SLC66A2: variants seen among roughly 807,000 people sequenced by gnomAD.
The protein encoded by SLC66A2 is solute carrier family 66 member 2, also known as PQ loop repeat containing 1.
SLC66A2 carries 23 observed loss-of-function variants against 25.5 expected under a neutral mutation model. That is an observed-to-expected ratio of 0.90 (90% CI 0.65 to 1.28). The LOEUF is 1.28. Ranked by LOEUF, SLC66A2 falls within the 50% of genes most tolerant of loss-of-function variation. The pLI, the probability that SLC66A2 is intolerant of heterozygous loss-of-function variation, is 0.00. For missense variants in SLC66A2, 396 were observed against 373.1 expected (o/e 1.06, Z -0.51); for synonymous variants, 193 against 166.5 (o/e 1.16, Z -1.23).
intron 4 of SLC66A2, among the ~76,000 whole-genome samples, chr18:79,925,397 A>G (rs536521762): frequency 9.1e-4 from 139 of 152,318 alleles, no homozygotes; most frequent in Non-Finnish European, 1.6e-3. Context: ...GCAGACTCAC[A>G]CGCCGTGACT....
rs569444429 is a variant in SLC66A2 at position 79,923,805 on chromosome 18, T to C, written c.392-4405A>G. On this transcript the variant is annotated intron_variant, in intron 4 of 5. Coordinates refer to ENST00000397778, the MANE Select transcript of SLC66A2 (RefSeq NM_025078.5). ...GCTCACACCTGTCATCCCAGCACCT[T>C]GGGAGGTTGAGGTGGGAGAATCACT... Among the ~76,000 whole-genome samples the C allele has an allele frequency of 7.2e-5, 11 of 152,168 alleles. No individual in the cohort carries two copies. The East Asian group carries it at 2.1e-3, about 29-fold the overall frequency.
rs953987979 is a variant in SLC66A2, at chr18:79,931,301, C to T, written c.391+2668G>A. ...GAATGGATTTTTTTTAAAGATCCAT[C>T]GTATGTATACAGAAGACTCATTTTA... is the stretch of plus-strand genomic sequence containing the variant. On this transcript the variant is annotated intron_variant, in intron 4 of 5. Coordinates refer to ENST00000397778, the MANE Select transcript of SLC66A2 (RefSeq NM_025078.5). Among the ~76,000 whole-genome samples the T allele has an allele frequency of 3.3e-5, 5 of 151,712 alleles. No individual in the cohort carries two copies. In the East Asian group the frequency reaches 5.8e-4, roughly 18 times the overall value.
chr18:79,919,308 A>G lies in SLC66A2; in HGVS notation c.484T>C (p.Tyr162His), dbSNP rs1475426574. ...AFTGVAGYIT[Y>H]LSIDSALFVE... ...AACAGGGCGGAGTCAATGGACAGGT[A>G]GGTGATGTAGCCCGCCACGCCCGTG... Residue 162 changes from tyrosine to histidine, a missense_variant, in exon 5 of 6, where the codon TAC (tyrosine) becomes CAC (histidine). Tyr to His is a moderately conservative substitution (Grantham distance 83, BLOSUM62 2). Transcript: ENST00000397778. 1.9e-6 allele frequency: 3 copies of G among 1,613,278 alleles called. No homozygotes were observed. The highest frequency in any genetic ancestry group is 1.3e-5 in the African/African-American group (1 of 75,072).
intron 5 of SLC66A2, among the ~76,000 whole-genome samples, chr18:79,906,448 T>C (rs1982139642): frequency 6.6e-6 from 1 of 152,240 alleles, no homozygotes; most frequent in Admixed American, 6.5e-5. Context: ...GTTCAAAATA[T>C]TTTCAATAGT....
intron 5 of SLC66A2, among the ~76,000 whole-genome samples, chr18:79,909,916 T>C (rs1226996267): frequency 1.9e-5 from 1 of 51,584 alleles, no homozygotes; most frequent in Non-Finnish European, 3.6e-5. Flanking sequence ...GTCCCCAACC[T>C]TCCCCACCAT....
Position 79,918,925 on chromosome 18 carries a change from G to A in SLC66A2, c.608+259C>T, listed in dbSNP as rs755960467. Among the ~76,000 whole-genome samples, 5 of 152,346 alleles carry A rather than the reference G, an allele frequency of 3.3e-5. No individual in the cohort carries two copies. Among genetic ancestry groups the A allele is most frequent in the Non-Finnish European group, 5.9e-5 (4 of 68,028 alleles). ...GACATCCCTCCCACTGGAAGGTTCCGTCTCAACGGCCCTGAAGGAGCAGCT... is the reference window on the plus strand; with the variant it reads ...GACATCCCTCCCACTGGAAGGTTCCATCTCAACGGCCCTGAAGGAGCAGCT... On this transcript the variant is annotated intron_variant, in intron 5 of 5. Coordinates refer to ENST00000397778, the MANE Select transcript of SLC66A2 (RefSeq NM_025078.5). The surrounding 1 kb of genome is among the most constrained non-coding windows in gnomAD (Gnocchi z 4.0).
At chr18:79,921,695 G>A (rs62101194) in intron 4 of SLC66A2, among the ~76,000 whole-genome samples, 35 of 7,820 alleles carry the variant, frequency 4.5e-3, no homozygotes, top group South Asian at 0.025. Context: ...AGATGGAACC[G>A]AGTGAGAGGT....
In SLC66A2 at chr18:79,930,904, A is replaced by G. The variant is rs530644942; in HGVS notation, c.391+3065T>C. The stretch of plus-strand genomic sequence containing the variant: ...TATATTGTTAGGTTGTAATATATGT[A>G]GACAAAATATGTATAATAATCATAC... On this transcript the variant is annotated intron_variant, in intron 4 of 5. Transcript: ENST00000397778. Among the ~76,000 whole-genome samples, 257 of 152,360 alleles carry G rather than the reference A, an allele frequency of 1.7e-3. 1 individual carries two copies. Among genetic ancestry groups the G allele is most frequent in the African/African-American group, 5.9e-3 (244 of 41,592 alleles).
chr18:79,919,288 G>A lies in SLC66A2; in HGVS notation c.504C>T (p.Ala168=). 1 of 1,613,350 alleles carries A rather than the reference G, an allele frequency of 6.2e-7. No individual in the cohort carries two copies. Among genetic ancestry groups the A allele is most frequent in the Non-Finnish European group, 8.5e-7 (1 of 1,180,036 alleles). ...GGAAGCCCAGGGTCTCCACAAACAGGGCGGAGTCAATGGACAGGTAGGTGA... is the reference window on the plus strand; with the variant it reads ...GGAAGCCCAGGGTCTCCACAAACAGAGCGGAGTCAATGGACAGGTAGGTGA... The part of the protein sequence containing the change: ...GYITYLSIDS[A]LFVETLGFLA... Residue 168 remains alanine (A), a synonymous_variant, in exon 5 of 6, where the codon GCC becomes GCT. Transcript: ENST00000397778.
At position 79,927,008 on chromosome 18, in the gene SLC66A2, A is replaced by G. The variant is rs1363735581; in HGVS notation, c.391+6961T>C. ...TGTTTCAGTATTTTTAAAAATACAA[A>G]TCGACTCTCCAGGAAAAAACAAAAA... On this transcript the variant is annotated intron_variant, in intron 4 of 5. Transcript: ENST00000397778. This position sits in a 1 kb window ranked among gnomAD's most constrained non-coding sequence, Gnocchi z 6.2. Among the ~76,000 whole-genome samples, 2 of 152,160 alleles carry G rather than the reference A, an allele frequency of 1.3e-5. No individual in the cohort carries two copies. Among genetic ancestry groups the G allele is most frequent in the Non-Finnish European group, 2.9e-5 (2 of 68,018 alleles).
chr18:79,943,778 G>A (rs994254453), intron 2 of SLC66A2: 1 of 257,228 alleles, frequency 3.9e-6, no homozygotes, highest in African/African-American at 2.4e-5. Context: ...TCCCGAACTT[G>A]CAGCAGGAAA....
rs1986063083 is a variant in SLC66A2 at position 79,927,244 on chromosome 18, C to T, written c.391+6725G>A. Among the ~76,000 whole-genome samples the T allele has an allele frequency of 1.3e-5, 2 of 151,944 alleles. No homozygotes were observed. The highest frequency in any genetic ancestry group is 4.8e-5 in the African/African-American group (2 of 41,298). On this transcript the variant is annotated intron_variant, in intron 4 of 5. Coordinates refer to ENST00000397778, the MANE Select transcript of SLC66A2 (RefSeq NM_025078.5). The surrounding 1 kb of genome is among the most constrained non-coding windows in gnomAD (Gnocchi z 6.2). The stretch of plus-strand genomic sequence containing the variant: ...CCCAGACCCGGAGCTGCAGGCAGGG[C>T]TCAGCAGGACCCCAGGCGGGCACAC...
Position 79,943,427 on chromosome 18 carries a change from T to C in SLC66A2, c.239A>G (p.Gln80Arg). 6.2e-7 allele frequency: 1 copy of C among 1,614,160 alleles called. No homozygotes were observed. Among genetic ancestry groups the C allele is most frequent in the African/African-American group, 1.3e-5 (1 of 75,066 alleles). Residue 80 changes from glutamine (Q) to arginine (R), a missense_variant, in exon 3 of 6, where the codon CAG (glutamine) becomes CGG (arginine). Coordinates refer to ENST00000397778, the MANE Select transcript of SLC66A2 (RefSeq NM_025078.5). ...CATGGTCAGGATCATGATGGCGCTCTGCCACAGCAGCGGGGACTCAAAGCG... is the reference window on the plus strand; with the variant it reads ...CATGGTCAGGATCATGATGGCGCTCCGCCACAGCAGCGGGGACTCAAAGCG... ...GRRFESPLLW[Q>R]SAIMILTMLL...
chr18:79,903,753 G>C lies in SLC66A2; in HGVS notation c.*223C>G. On this transcript the variant is annotated 3_prime_UTR_variant, in exon 6 of 6. Transcript: ENST00000397778. ...CATCCTAAAAACATCCAAAACCCTC[G>C]GGGCCAGATCAACCCTGGCTGTCCC... 3.8e-6 allele frequency: 2 copies of C among 527,068 alleles called. No homozygotes were observed. The highest frequency in any genetic ancestry group is 6.6e-6 in the Non-Finnish European group (2 of 303,486). The allele number at this position is 527,068 out of a possible 1,614,324, so 32.6% of individuals were successfully genotyped here. A position where few individuals can be genotyped will look rare whatever the true frequency, so the allele number is the denominator to read the frequency against.
intron 5 of SLC66A2, among the ~76,000 whole-genome samples, chr18:79,908,039 G>A (rs1350320725): frequency 1.3e-5 from 2 of 151,960 alleles, no homozygotes; most frequent in African/African-American, 2.4e-5. Context: ...GACTTGTCAC[G>A]TACAGCTACA....
Position 79,904,155 on chromosome 18 carries a change from C to T in SLC66A2, c.637G>A (p.Gly213Ser). ...AAGTAGGCCGTCTTGAAGGCGTCAC[C>T]ACTGGTCCACATGAGCACCATCTTG... The part of the protein sequence containing the change: ...SIKMVLMWTS[G>S]DAFKTAYFLL... The change falls in exon 6 of 6, where the codon GGT becomes AGT. Residue 213 changes from glycine (G) to serine (S), a missense_variant. Gly to Ser is a moderately conservative substitution (Grantham distance 56). Coordinates refer to ENST00000397778, the MANE Select transcript of SLC66A2 (RefSeq NM_025078.5). The surrounding 1 kb of genome is among the most constrained non-coding windows in gnomAD (Gnocchi z 6.3). 6.2e-7 allele frequency: 1 copy of T among 1,612,992 alleles called. No homozygotes were observed. The highest frequency in any genetic ancestry group is 8.5e-7 in the Non-Finnish European group (1 of 1,179,804).
intron 2 of SLC66A2, among the ~76,000 whole-genome samples, chr18:79,948,484 G>C (rs745424261): frequency 2.0e-5 from 3 of 152,150 alleles, no homozygotes; most frequent in Non-Finnish European, 4.4e-5. Context: ...AGGACTACAG[G>C]TAATGCCCCC....
rs1299845454 is a variant in SLC66A2 at position 79,904,434 on chromosome 18, C to A, written c.609-251G>T. 6.6e-6 allele frequency among the ~76,000 whole-genome samples: 1 copy of A among 152,032 alleles called. No individual in the cohort carries two copies. The highest frequency in any genetic ancestry group is 1.5e-5 in the Non-Finnish European group (1 of 67,966). On this transcript the variant is annotated intron_variant, in intron 5 of 5. Coordinates refer to ENST00000397778, the MANE Select transcript of SLC66A2 (RefSeq NM_025078.5). The surrounding 1 kb of genome is among the most constrained non-coding windows in gnomAD (Gnocchi z 6.3). ...AGGGGGCCAAAGGACACACCCTGAC[C>A]CCACCTGTCCCATGCAACCCCCACC...
Position 79,940,163 on chromosome 18 carries a change from A to C in SLC66A2, c.337+3166T>G, listed in dbSNP as rs2144926486. Among the ~76,000 whole-genome samples the C allele has an allele frequency of 6.6e-6, 1 of 152,360 alleles. No individual in the cohort carries two copies. The highest frequency in any genetic ancestry group is 2.1e-4 in the South Asian group (1 of 4,834). On this transcript the variant is annotated intron_variant, in intron 3 of 5. Transcript: ENST00000397778. This position sits in a 1 kb window ranked among gnomAD's most constrained non-coding sequence, Gnocchi z 4.1. The stretch of plus-strand genomic sequence containing the variant: ...CCAAATGCCGCATGTTCTCACGTGT[A>C]AGTGGGAGCTAAATGATGAGAACAC...
Sources: gnomAD v4.1 joint callset for allele counts (sites outside exome capture counted in the v4.1 genomes callset) on GRCh38, gnomAD v4.1.1 for gene constraint, Gnocchi (gnomAD v3.1) non-coding constraint, MANE v1.5 for transcripts, NCBI Gene and HGNC (gene_info 2026-07-23, HGNC 2026-07-21) for gene names.